The following CAPN5 variants were observed in gnomAD, a reference collection of about 807,000 sequenced individuals.
The protein encoded by CAPN5 is calpain 5.
Under a neutral mutation model 73.0 loss-of-function variants are expected in CAPN5, and 54 were observed. The observed-to-expected ratio is 0.74, with a 90% CI of 0.59 to 0.93. The LOEUF (loss-of-function observed/expected upper bound fraction) is 0.93. CAPN5 is among the 40% of genes least tolerant of loss of function. The pLI, the probability that CAPN5 is intolerant of heterozygous loss-of-function variation, is 0.00. For synonymous variants in CAPN5, 335 were observed against 356.9 expected (o/e 0.94, Z 0.69); for missense variants, 785 against 882.9 (o/e 0.89, Z 1.41).
chr11:77,082,671 C>T (rs1555034796), intron 1 of CAPN5, among the ~76,000 whole-genome samples: 2 of 152,152 alleles, frequency 1.3e-5, no homozygotes, highest in East Asian at 1.9e-4. Context: ...CAGGCCTGGC[C>T]CTGTGCAGCC....
chr11:77,106,575 A>G (rs144498763), intron 3 of CAPN5, among the ~76,000 whole-genome samples: 2,456 of 152,260 alleles, frequency 0.016, 73 homozygotes, highest in African/African-American at 0.057. Flanking sequence ...CTTGTTCCTC[A>G]TCTGTGAGTT....
At position 77,116,316 on chromosome 11, in the gene CAPN5, G is replaced by A. The variant is rs782402253; in HGVS notation, c.971+13G>A. On this transcript the variant is annotated intron_variant, in intron 7 of 12. Coordinates refer to ENST00000648180, the MANE Select transcript of CAPN5 (RefSeq NM_004055.5). ...ACGGTGAGTTCTGGTGAGTGTGTAT[G>A]TGCCCTGGGCGTCCGGGGCTGAGGG... 2 of 1,608,684 alleles carry A rather than the reference G, an allele frequency of 1.2e-6. No individual in the cohort carries two copies. The highest frequency in any genetic ancestry group is 4.5e-5 in the East Asian group (2 of 44,818).
chr11:77,122,697 GC>G lies in CAPN5; in HGVS notation c.1728del (p.Ile577SerfsTer11), dbSNP rs1442639701. ...TCTTCTACCGCAAGAAGCTGAGCCA[GC>G]CCATCACTGTACAGGTGAGCCCCCT... Reference protein sequence around the residue: ...GIFYRKKLSQPITVQVWNHRV... With the variant: ...GIFYRKKLSQXITVQVWNHRV... On this transcript the variant is annotated frameshift_variant, in exon 12 of 13. Transcript: ENST00000648180. LOFTEE classifies it high-confidence loss of function. 1.9e-6 allele frequency: 3 copies of G among 1,613,644 alleles called. No individual in the cohort carries two copies. Among genetic ancestry groups the G allele is most frequent in the Non-Finnish European group, 2.5e-6 (3 of 1,179,976 alleles).
chr11:77,072,164 C>T (rs1351073909), intron 1 of CAPN5, among the ~76,000 whole-genome samples: 1 of 152,218 alleles, frequency 6.6e-6, no homozygotes, highest in Non-Finnish European at 1.5e-5. Flanking sequence ...ACTTCCTCTT[C>T]CCTCTCCCCT....
intron 3 of CAPN5, among the ~76,000 whole-genome samples, chr11:77,101,373 G>T (rs1398524706): frequency 6.6e-6 from 1 of 152,200 alleles, no homozygotes; most frequent in African/African-American, 2.4e-5. Flanking sequence ...TCCCATGGTA[G>T]TTCCTTAGCC....
At chr11:77,083,525 C>A (rs1186807931) in intron 1 of CAPN5, among the ~76,000 whole-genome samples, 1 of 152,220 alleles carries the variant, frequency 6.6e-6, no homozygotes, top group East Asian at 1.9e-4. Flanking sequence ...CCTCACCTCA[C>A]TGAGCCGCAG....
At position 77,102,797 on chromosome 11, in the gene CAPN5, G is replaced by T. The variant is rs1555039077; in HGVS notation, c.297+8984G>T. On this transcript the variant is annotated intron_variant, in intron 3 of 12. Coordinates refer to ENST00000648180, the MANE Select transcript of CAPN5 (RefSeq NM_004055.5). The stretch of plus-strand genomic sequence containing the variant: ...CTTCTCTCCACGGCCCCAGGCTCCA[G>T]CCCACTTGGGTCCTTGGCGTTGGTG... 9 of 1,504,348 alleles carry T rather than the reference G, an allele frequency of 6.0e-6. No homozygotes were observed. The South Asian group carries it at 7.8e-5, about 13-fold the overall frequency. The allele number at this position is 1,504,348 out of a possible 1,614,324, so 93.2% of individuals were successfully genotyped here.
chr11:77,114,329 C>T lies in CAPN5; in HGVS notation c.594C>T (p.Asp198=). The change falls in exon 5 of 13, where the codon GAC becomes GAT. Residue 198 remains aspartate (D), a synonymous_variant. Coordinates refer to ENST00000648180, the MANE Select transcript of CAPN5 (RefSeq NM_004055.5). ...CGGGTGGTGTTTCTGAGCCCATCGA[C>T]CTGACCGAGGGTGACTTTGCCAACG... The part of the protein sequence containing the change: ...DFTGGVSEPI[D]LTEGDFANDE... 6.2e-7 allele frequency: 1 copy of T among 1,614,162 alleles called. No individual in the cohort carries two copies. Among genetic ancestry groups the T allele is most frequent in the Non-Finnish European group, 8.5e-7 (1 of 1,180,036 alleles).
intron 3 of CAPN5, among the ~76,000 whole-genome samples, chr11:77,112,167 G>T (rs73493654): frequency 6.6e-6 from 1 of 152,000 alleles, no homozygotes; most frequent in Non-Finnish European, 1.5e-5. Context: ...GAATGGAGGC[G>T]CTCAGATTGG....
chr11:77,118,415 C>T (rs1487959800), intron 8 of CAPN5, 63 bp downstream of exon 8: 1 of 1,360,308 alleles, frequency 7.4e-7, no homozygotes, highest in Non-Finnish European at 1.0e-6. Context: ...TGCCACTGTC[C>T]TGCCAGGGAC....
At chr11:77,068,116 C>T (rs916955433) in intron 1 of CAPN5, among the ~76,000 whole-genome samples, 3 of 152,156 alleles carry the variant, frequency 2.0e-5, no homozygotes, top group Non-Finnish European at 2.9e-5. Flanking sequence ...AGTCTGAGGC[C>T]TGCTGGGGGA....
At chr11:77,106,430 G>A (rs1950349515) in intron 3 of CAPN5, among the ~76,000 whole-genome samples, 1 of 152,006 alleles carries the variant, frequency 6.6e-6, no homozygotes, top group Admixed American at 6.6e-5. Context: ...AATGGCAAAT[G>A]ACCCATTTTC....
At chr11:77,079,149 CTTATTATTA>C (rs57426663) in intron 1 of CAPN5, among the ~76,000 whole-genome samples, 1 of 150,326 alleles carries the variant, frequency 6.7e-6, no homozygotes, top group African/African-American at 2.5e-5. Context: ...AATTATTTGC[CTTATTATTA>C]TTATTATTAT....
At chr11:77,122,305 T>C (rs1445844516) in intron 11 of CAPN5, among the ~76,000 whole-genome samples, 3 of 152,022 alleles carry the variant, frequency 2.0e-5, no homozygotes, top group Admixed American at 6.5e-5. Flanking sequence ...GCTGAGAAGG[T>C]ATTAAGATAC....
intron 3 of CAPN5, among the ~76,000 whole-genome samples, chr11:77,097,470 T>G (rs1565266446): frequency 1.5e-5 from 2 of 136,942 alleles, no homozygotes; most frequent in African/African-American, 3.0e-5. Flanking sequence ...TCTAGTTTTT[T>G]TTTTTTTTTT....
chr11:77,093,915 T>A, intron 3 of CAPN5, 102 bp downstream of exon 3: 3 of 1,492,580 alleles, frequency 2.0e-6, no homozygotes, highest in Non-Finnish European at 2.7e-6. Flanking sequence ...GATGAGACTT[T>A]CAAAAGCCTG....
rs782566817 is a variant in CAPN5, at chr11:77,084,948, G to A, written c.62G>A (p.Arg21Gln). The A allele has an allele frequency of 6.0e-5, 97 of 1,613,686 alleles. No individual in the cohort carries two copies. The highest frequency in any genetic ancestry group is 1.6e-4 in the Middle Eastern group (1 of 6,084). Residue 21 changes from arginine (R) to glutamine (Q), a missense_variant, in exon 2 of 13, where the codon CGG (arginine) becomes CAG (glutamine). Physicochemically the swap from Arg to Gln is conservative, Grantham distance 43. Transcript: ENST00000648180. ...QNYSALRRDC[R>Q]RRKVLFEDPL... ...TACTCAGCCCTGAGGCGGGACTGCC[G>A]GCGCAGGAAGGTGCTCTTCGAGGAC...
At chr11:77,073,315 G>A (rs531737755) in intron 1 of CAPN5, among the ~76,000 whole-genome samples, 2 of 152,312 alleles carry the variant, frequency 1.3e-5, no homozygotes, top group Admixed American at 1.3e-4. Flanking sequence ...TCCTGCCCAA[G>A]GCCTGCAGGA....
At chr11:77,120,999 G>GAGCA in intron 10 of CAPN5, 90 bp downstream of exon 10, 8 of 1,241,166 alleles carry the variant, frequency 6.4e-6, no homozygotes, top group Non-Finnish European at 6.9e-6. Context: ...GATGCTCAGT[G>GAGCA]TCTCTGGGCC....
Sources: allele counts gnomAD v4.1 joint callset (sites outside exome capture counted in the v4.1 genomes callset), GRCh38; gene constraint gnomAD v4.1.1; transcripts MANE v1.5; gene names NCBI Gene and HGNC (gene_info 2026-07-23, HGNC 2026-07-21).